Variants in C10orf67 observed in about 807,000 individuals in gnomAD.
The protein encoded by C10orf67 is chromosome 10 open reading frame 67, also known as uncharacterized protein C10orf67, mitochondrial.
Under a neutral mutation model 35.6 loss-of-function variants are expected in C10orf67, and 60 were observed. That is an observed-to-expected ratio of 1.68 (90% CI 1.37 to 2.09). The LOEUF (loss-of-function observed/expected upper bound fraction) is 2.09. Among genes scored for constraint, C10orf67 ranks in the 30% most tolerant of loss-of-function variants. The pLI, the probability that C10orf67 is intolerant of heterozygous loss-of-function variation, is 0.00. For synonymous variants in C10orf67, 167 were observed against 115.8 expected (o/e 1.44, Z -2.84); for missense variants, 474 against 330.2 (o/e 1.44, Z -3.38).
intron 15 of C10orf67, among the ~76,000 whole-genome samples, chr10:23,220,877 C>T (rs1841558327): frequency 6.6e-6 from 1 of 152,082 alleles, no homozygotes; most frequent in African/African-American, 2.4e-5. Flanking sequence ...ACCTTTGATG[C>T]CAATATGAGG....
At chr10:23,317,122 C>G (rs889824238) in intron 4 of C10orf67, 1 of 152,316 alleles carries the variant, frequency 6.6e-6, no homozygotes, top group Non-Finnish European at 1.5e-5. Context: ...ACCCTCAGTG[C>G]CCCCTTGGCC....
chr10:23,213,641 A>G (rs549629460), intron 15 of C10orf67, among the ~76,000 whole-genome samples: 351 of 152,338 alleles, frequency 2.3e-3, no homozygotes, highest in Non-Finnish European at 3.7e-3. Context: ...TGAAGTAATG[A>G]TACTTCTAAA....
intron 12 of C10orf67, among the ~76,000 whole-genome samples, chr10:23,240,267 A>C (rs1034758697): frequency 6.6e-6 from 1 of 152,218 alleles, no homozygotes; most frequent in African/African-American, 2.4e-5. Flanking sequence ...AAGGCATAGA[A>C]GTAATGGCAA....
At chr10:23,284,351 C>A (rs1263600785) in intron 7 of C10orf67, among the ~76,000 whole-genome samples, 1 of 151,926 alleles carries the variant, frequency 6.6e-6, no homozygotes, top group East Asian at 1.9e-4. Context: ...TGCATTCATA[C>A]CCTGTACCCA....
intron 2 of C10orf67, 51 bp from the exon 3 acceptor site, chr10:23,322,588 C>A (rs1336072444): frequency 9.7e-6 from 12 of 1,236,736 alleles, no homozygotes; most frequent in Non-Finnish European, 1.4e-5. Flanking sequence ...AACAGAAAAC[C>A]AAATACTGCA....
chr10:23,240,164 CT>C (rs1160522217), intron 12 of C10orf67, among the ~76,000 whole-genome samples: 1 of 152,106 alleles, frequency 6.6e-6, no homozygotes, highest in African/African-American at 2.4e-5. Flanking sequence ...GCACTCCAGC[CT>C]GGACGACAGA....
chr10:23,340,001 G>A (rs894867474), intron 1 of C10orf67, among the ~76,000 whole-genome samples: 3 of 152,014 alleles, frequency 2.0e-5, no homozygotes, highest in Non-Finnish European at 2.9e-5. Context: ...AGTGCTAAGC[G>A]GCTCCTTTTT....
intron 4 of C10orf67, among the ~76,000 whole-genome samples, chr10:23,310,940 G>A (rs1844471989): frequency 1.3e-5 from 2 of 152,108 alleles, no homozygotes; most frequent in African/African-American, 4.8e-5. Context: ...GTCCTGGAAT[G>A]TCCTTCAAAG....
chr10:23,253,595 C>T (rs1842520245), intron 10 of C10orf67, among the ~76,000 whole-genome samples: 1 of 152,010 alleles, frequency 6.6e-6, no homozygotes. Flanking sequence ...AATAATTTTC[C>T]ACGTAGAAAG....
chr10:23,240,722 T>C (rs1842159019), intron 12 of C10orf67, among the ~76,000 whole-genome samples: 1 of 152,194 alleles, frequency 6.6e-6, no homozygotes, highest in Admixed American at 6.5e-5. Context: ...AAAGACTCTT[T>C]GAAGAGATTA....
chr10:23,311,361 A>G (rs575923084), intron 4 of C10orf67, among the ~76,000 whole-genome samples: 8 of 152,336 alleles, frequency 5.3e-5, no homozygotes, highest in African/African-American at 1.9e-4. Flanking sequence ...TGAGGGCCTG[A>G]GTATGACAAA....
intron 13 of C10orf67, among the ~76,000 whole-genome samples, chr10:23,226,607 G>T (rs57851652): frequency 1.3e-5 from 2 of 151,858 alleles, no homozygotes; most frequent in African/African-American, 4.8e-5. Context: ...AACTGAAGGA[G>T]ATACAGACGC....
At chr10:23,311,575 G>C (rs747897708) in intron 4 of C10orf67, among the ~76,000 whole-genome samples, 4 of 152,122 alleles carry the variant, frequency 2.6e-5, no homozygotes, top group African/African-American at 9.7e-5. Flanking sequence ...GCCAGGTGTG[G>C]TGTCACATGC....
chr10:23,341,854 C>T (rs374175693), intron 1 of C10orf67, among the ~76,000 whole-genome samples: 1 of 152,304 alleles, frequency 6.6e-6, no homozygotes, highest in African/African-American at 2.4e-5. Context: ...CTCAGTGAAG[C>T]CTTCCCTGAT....
intron 15 of C10orf67, among the ~76,000 whole-genome samples, chr10:23,221,507 C>A (rs1398030127): frequency 1.3e-5 from 2 of 152,124 alleles, no homozygotes; most frequent in Non-Finnish European, 2.9e-5. Flanking sequence ...GGTACTCAAC[C>A]TTGTAAAGTA....
At position 23,204,123 on chromosome 10, in the gene C10orf67, G is replaced by A; in HGVS notation, c.*50C>T. The A allele has an allele frequency of 2.1e-6, 1 of 470,678 alleles. No homozygotes were observed. Among genetic ancestry groups the A allele is most frequent in the Non-Finnish European group, 3.9e-6 (1 of 255,528 alleles). 29.2% of individuals were successfully genotyped at this position (470,678 alleles called of 1,614,324 possible). On this transcript the variant is annotated 3_prime_UTR_variant, in exon 16 of 16. Transcript: ENST00000636213. The stretch of plus-strand genomic sequence containing the variant: ...GGGAGGCACCTTACACCAGGACGGC[G>A]AGGCCACTCTTTCTGAGGCCCCGTC...
chr10:23,301,534 G>A (rs1407747418), intron 5 of C10orf67, among the ~76,000 whole-genome samples: 7 of 152,178 alleles, frequency 4.6e-5, no homozygotes, highest in Non-Finnish European at 8.8e-5. Flanking sequence ...AAATGTTACT[G>A]GGGGGTCCTT....
At chr10:23,285,179 G>T (rs1843494789) in intron 7 of C10orf67, among the ~76,000 whole-genome samples, 1 of 151,870 alleles carries the variant, frequency 6.6e-6, no homozygotes, top group Non-Finnish European at 1.5e-5. Context: ...CTGGCCCCAG[G>T]GGACCTAGTT....
In C10orf67 at chr10:23,204,403, C is replaced by T. The variant is rs1176766130; in HGVS notation, c.1571-148G>A. 2 of 403,776 alleles carry T rather than the reference C, an allele frequency of 5.0e-6. No homozygotes were observed. The highest frequency in any genetic ancestry group is 8.8e-6 in the Non-Finnish European group (2 of 226,206). The allele number at this position is 403,776 out of a possible 1,614,324, so 25.0% of individuals were successfully genotyped here. On this transcript the variant is annotated intron_variant, in intron 15 of 15. Transcript: ENST00000636213. Reference sequence around the variant, plus strand: ...CCTAGCTGAGAGCCTCTTCAGGAACCTGGAAGAGAGACGGTGAAGGAGGTA... The same window carrying T: ...CCTAGCTGAGAGCCTCTTCAGGAACTTGGAAGAGAGACGGTGAAGGAGGTA...
Sources: gnomAD v4.1 joint callset for allele counts (sites outside exome capture counted in the v4.1 genomes callset) on GRCh38, gnomAD v4.1.1 for gene constraint, MANE v1.5 for transcripts, NCBI Gene and HGNC (gene_info 2026-07-23, HGNC 2026-07-21) for gene names.